Variants in SDCCAG8 observed in about 807,000 individuals in gnomAD.
SDCCAG8 encodes the protein serologically defined colon cancer antigen 8.
Under a neutral mutation model 101.8 loss-of-function variants are expected in SDCCAG8, and 74 were observed. The ratio of observed to expected loss-of-function variants is 0.73; its 90% CI spans 0.60 to 0.88. The LOEUF (loss-of-function observed/expected upper bound fraction) is 0.88. Ranked by LOEUF, SDCCAG8 falls within the 40% of genes least tolerant of loss-of-function variation. The pLI is 0.00. For synonymous variants in SDCCAG8, 281 were observed against 292.9 expected, an observed-to-expected ratio of 0.96 and a Z score of 0.41; for missense variants, 787 against 822.6, an observed-to-expected ratio of 0.96 and a Z score of 0.53.
At chr1:243,331,878 GAGA>G (rs899130672) in intron 10 of SDCCAG8, among the ~76,000 whole-genome samples, 4 of 81,538 alleles carry the variant, frequency 4.9e-5, no homozygotes, top group African/African-American at 1.6e-4. Context: ...AAACTCGTAG[GAGA>G]AGTAGATGTT....
intron 7 of SDCCAG8, among the ~76,000 whole-genome samples, chr1:243,306,849 T>C (rs1006227868): frequency 2.0e-5 from 3 of 152,046 alleles, no homozygotes; most frequent in South Asian, 2.1e-4. Context: ...GTGGGTCTTT[T>C]ATGCCTCTCC....
chr1:243,383,527 A>C (rs2078087283), intron 13 of SDCCAG8, among the ~76,000 whole-genome samples: 1 of 152,148 alleles, frequency 6.6e-6, no homozygotes, highest in African/African-American at 2.4e-5. Context: ...TGTTTAAGGT[A>C]TTTCCTTAGT....
intron 1 of SDCCAG8, 80 bp from the exon 2 acceptor site, chr1:243,270,024 TA>T (rs1384574919): frequency 8.8e-6 from 14 of 1,597,696 alleles, no homozygotes; most frequent in Non-Finnish European, 1.2e-5. Context: ...ATTTCACCTT[TA>T]AAAACTGCCT....
chr1:243,260,983 T>C (rs1365667967), intron 1 of SDCCAG8, among the ~76,000 whole-genome samples: 1 of 152,160 alleles, frequency 6.6e-6, no homozygotes, highest in Non-Finnish European at 1.5e-5. Flanking sequence ...TCCCGTTTCC[T>C]CAACTGTAAA....
intron 4 of SDCCAG8, among the ~76,000 whole-genome samples, chr1:243,275,987 C>G (rs1269076857): frequency 1.3e-5 from 2 of 151,690 alleles, no homozygotes; most frequent in African/African-American, 4.8e-5. Context: ...CCTCAGCCTC[C>G]CCAGTAGCTG....
chr1:243,312,279 G>A (rs2072801811), intron 8 of SDCCAG8, among the ~76,000 whole-genome samples: 1 of 152,204 alleles, frequency 6.6e-6, no homozygotes, highest in South Asian at 2.1e-4. Flanking sequence ...CTTTAACATG[G>A]AATGTTTAAA....
intron 8 of SDCCAG8, among the ~76,000 whole-genome samples, chr1:243,308,835 A>G (rs767088392): frequency 6.6e-6 from 1 of 152,204 alleles, no homozygotes; most frequent in African/African-American, 2.4e-5. Flanking sequence ...GAGAATTATT[A>G]TGTAATATAG....
chr1:243,377,755 A>T (rs924729335), intron 12 of SDCCAG8, among the ~76,000 whole-genome samples: 7 of 151,758 alleles, frequency 4.6e-5, no homozygotes, highest in African/African-American at 1.7e-4. Flanking sequence ...TTGTTTTCCA[A>T]AAGGAGGTTG....
rs1192075550 is a variant in SDCCAG8, at chr1:243,499,988, T to A, written c.*203T>A. On this transcript the variant is annotated 3_prime_UTR_variant, in exon 18 of 18. Coordinates refer to ENST00000366541, the MANE Select transcript of SDCCAG8 (RefSeq NM_006642.5). ...GAGTCTGACTCTAGCTGAGCAGAGC[T>A]CCTGGTGTATGTTTTCAGAAATGGC... is the stretch of plus-strand genomic sequence containing the variant. 1 of 611,952 alleles carries A rather than the reference T, an allele frequency of 1.6e-6. No homozygotes were observed. Among genetic ancestry groups the A allele is most frequent in the East Asian group, 2.8e-5 (1 of 36,356 alleles). 37.9% of individuals were successfully genotyped at this position (611,952 alleles called of 1,614,324 possible).
At chr1:243,492,295 C>CTTGTTT (rs1553382284) in intron 17 of SDCCAG8, among the ~76,000 whole-genome samples, 1 of 63,120 alleles carries the variant, frequency 1.6e-5, no homozygotes, top group Non-Finnish European at 2.6e-5. Flanking sequence ...CGTTTCTTGG[C>CTTGTTT]TTTTTTTTTT....
At chr1:243,441,780 T>A (rs1261456574) in intron 16 of SDCCAG8, among the ~76,000 whole-genome samples, 1 of 152,208 alleles carries the variant, frequency 6.6e-6, no homozygotes, top group Admixed American at 6.5e-5. Context: ...GAGTCACAAC[T>A]GTCATTGATC....
chr1:243,373,839 T>G (rs1157136902), intron 12 of SDCCAG8, among the ~76,000 whole-genome samples: 2 of 152,042 alleles, frequency 1.3e-5, no homozygotes, highest in Admixed American at 6.6e-5. Context: ...ACCCCAAAAC[T>G]TATTAAACCC....
At chr1:243,488,622 C>A (rs900915851) in intron 16 of SDCCAG8, among the ~76,000 whole-genome samples, 1 of 152,152 alleles carries the variant, frequency 6.6e-6, no homozygotes, top group Non-Finnish European at 1.5e-5. Flanking sequence ...TTTCCACGGC[C>A]CTCACCCACT....
At chr1:243,407,534 G>T (rs891871517) in intron 13 of SDCCAG8, among the ~76,000 whole-genome samples, 5 of 152,204 alleles carry the variant, frequency 3.3e-5, no homozygotes, top group African/African-American at 1.2e-4. Context: ...TTGTGCATAT[G>T]TAATAGAAAC....
intron 4 of SDCCAG8, among the ~76,000 whole-genome samples, chr1:243,283,530 G>A (rs2149281107): frequency 6.6e-6 from 1 of 150,742 alleles, no homozygotes; most frequent in South Asian, 2.1e-4. Flanking sequence ...AATTCTTATT[G>A]ACAATTCTTA....
At chr1:243,324,127 C>T (rs1331105649) in intron 9 of SDCCAG8, among the ~76,000 whole-genome samples, 2 of 152,118 alleles carry the variant, frequency 1.3e-5, no homozygotes, top group African/African-American at 4.8e-5. Context: ...ACGTGTTTTG[C>T]TGCTACTAGA....
chr1:243,421,558 G>A (rs1384512011), intron 15 of SDCCAG8, among the ~76,000 whole-genome samples: 1 of 152,182 alleles, frequency 6.6e-6, no homozygotes, highest in East Asian at 1.9e-4. Flanking sequence ...ACAGTAGTTT[G>A]CGCGCTCTGT....
At chr1:243,336,050 C>A (rs999158532) in intron 10 of SDCCAG8, among the ~76,000 whole-genome samples, 1 of 152,124 alleles carries the variant, frequency 6.6e-6, no homozygotes, top group Non-Finnish European at 1.5e-5. Flanking sequence ...TTGATGGGCA[C>A]CTAGGTTGAT....
intron 13 of SDCCAG8, among the ~76,000 whole-genome samples, chr1:243,411,625 C>T (rs1463059446): frequency 6.6e-6 from 1 of 152,116 alleles, no homozygotes; most frequent in Non-Finnish European, 1.5e-5. Flanking sequence ...CCTGGCAACG[C>T]GGATCTACTT....
Sources: gnomAD v4.1 joint callset for allele counts (sites outside exome capture counted in the v4.1 genomes callset) on GRCh38, gnomAD v4.1.1 for gene constraint, MANE v1.5 for transcripts, NCBI Gene and HGNC (gene_info 2026-07-23, HGNC 2026-07-21) for gene names.